NRXN3: variants seen among roughly 807,000 people sequenced by gnomAD.
NRXN3 encodes the protein neurexin 3.
In NRXN3, 32 loss-of-function variants were observed where a neutral mutation model predicts 137.6. That is an observed-to-expected ratio of 0.23 (90% CI 0.18 to 0.31). The LOEUF is 0.31. NRXN3 is among the 10% of genes least tolerant of loss of function. The pLI is 1.00. For missense variants in NRXN3, 1,574 were observed against 2,062.5 expected (o/e 0.76, Z 4.59); for synonymous variants, 798 against 784.5 (o/e 1.02, Z -0.29).
intron 8 of NRXN3, among the ~76,000 whole-genome samples, chr14:78,726,515 C>CTTTTTTTTTTTT (rs71452901): frequency 2.0e-5 from 2 of 102,456 alleles, no homozygotes; most frequent in Non-Finnish European, 3.6e-5. Flanking sequence ...ACCATTTTAG[C>CTTTTTTTTTTTT]TTTTTTTTTT....
At chr14:78,314,126 C>T (rs1020053138) in intron 4 of NRXN3, among the ~76,000 whole-genome samples, 3 of 152,076 alleles carry the variant, frequency 2.0e-5, no homozygotes, top group African/African-American at 4.8e-5. Context: ...AAGCCCTTTT[C>T]TGGGTGCAAG....
At chr14:79,478,633 A>G (rs2096580666) in intron 16 of NRXN3, among the ~76,000 whole-genome samples, 1 of 152,076 alleles carries the variant, frequency 6.6e-6, no homozygotes, top group Non-Finnish European at 1.5e-5. Flanking sequence ...TGTGGGAAAA[A>G]TCCAATGACA....
chr14:78,252,865 G>A (rs140969254), intron 2 of NRXN3, among the ~76,000 whole-genome samples: 191 of 152,334 alleles, frequency 1.3e-3, no homozygotes, highest in African/African-American at 4.2e-3. Context: ...GGAGGGATAC[G>A]CTGGAAAGCA....
intron 1 of NRXN3, among the ~76,000 whole-genome samples, chr14:78,238,794 A>T (rs977317350): frequency 2.6e-5 from 4 of 152,180 alleles, no homozygotes; most frequent in Non-Finnish European, 5.9e-5. Flanking sequence ...GAATGGTGGT[A>T]TCCCCCAGTG....
At chr14:78,683,972 G>T (rs2098101937) in intron 6 of NRXN3, among the ~76,000 whole-genome samples, 1 of 152,122 alleles carries the variant, frequency 6.6e-6, no homozygotes, top group Non-Finnish European at 1.5e-5. Context: ...CATTTTTAAG[G>T]ATGGTTTACT....
intron 20 of NRXN3, among the ~76,000 whole-genome samples, chr14:79,840,644 C>A (rs1204208246): frequency 6.6e-6 from 1 of 152,078 alleles, no homozygotes; most frequent in Non-Finnish European, 1.5e-5. Flanking sequence ...AGTTGTATAT[C>A]TTTGGGTGAG....
At chr14:78,682,493 CT>C (rs975081960) in intron 6 of NRXN3, among the ~76,000 whole-genome samples, 34 of 151,982 alleles carry the variant, frequency 2.2e-4, no homozygotes, top group Admixed American at 2.2e-3. Context: ...GTTAAGGCAG[CT>C]GCCTGTACCG....
chr14:79,404,895 G>C (rs905645817), intron 15 of NRXN3, among the ~76,000 whole-genome samples: 1 of 152,152 alleles, frequency 6.6e-6, no homozygotes, highest in Non-Finnish European at 1.5e-5. Context: ...AGGCCCGTGT[G>C]TTCGTGCACA....
chr14:78,966,540 G>A (rs2099417649), intron 12 of NRXN3, 134 bp downstream of exon 12: 1 of 913,956 alleles, frequency 1.1e-6, no homozygotes, highest in Admixed American at 2.5e-5. Context: ...CATCTTCCTT[G>A]ATTAAATGGA....
At chr14:79,336,035 A>T (rs1315719568) in intron 15 of NRXN3, among the ~76,000 whole-genome samples, 2 of 152,156 alleles carry the variant, frequency 1.3e-5, no homozygotes, top group Non-Finnish European at 2.9e-5. Flanking sequence ...CAAGCAACAG[A>T]TACTATAGGC....
At chr14:78,308,105 T>G (rs1313793993) in intron 4 of NRXN3, among the ~76,000 whole-genome samples, 1 of 150,068 alleles carries the variant, frequency 6.7e-6, no homozygotes, top group East Asian at 2.0e-4. Flanking sequence ...TTTTTTTTTA[T>G]GAATATAGAG....
intron 4 of NRXN3, among the ~76,000 whole-genome samples, chr14:78,473,648 A>T (rs951048226): frequency 2.0e-5 from 3 of 152,176 alleles, no homozygotes; most frequent in African/African-American, 7.2e-5. Context: ...TTGTTAATAC[A>T]GTTACTGTGA....
rs141953173 is a variant in NRXN3 at position 79,799,833 on chromosome 14, C to G, written c.4015-5279C>G. 3.3e-3 allele frequency among the ~76,000 whole-genome samples: 501 copies of G among 152,280 alleles called. 1 individual carries two copies. Among genetic ancestry groups the G allele is most frequent in the Non-Finnish European group, 5.0e-3 (341 of 68,022 alleles). ...ATTCGGTTTACTACATCAAGTTTGC[C>G]TGTTTACTTGCCTGTCTCATCAGAC... On this transcript the variant is annotated intron_variant, in intron 19 of 20. Transcript: ENST00000335750.
intron 15 of NRXN3, among the ~76,000 whole-genome samples, chr14:79,204,879 C>G (rs2153221967): frequency 6.6e-6 from 1 of 152,280 alleles, no homozygotes; most frequent in South Asian, 2.1e-4. Flanking sequence ...ACAGCTGAGA[C>G]TTGGTGTATG....
intron 19 of NRXN3, among the ~76,000 whole-genome samples, chr14:79,750,989 A>G (rs1003289786): frequency 1.3e-5 from 2 of 152,024 alleles, no homozygotes; most frequent in African/African-American, 4.8e-5. Context: ...GAAATTTCTA[A>G]TTGAAACAAA....
Position 78,499,186 on chromosome 14 carries a change from A to G in NRXN3, c.758-145934A>G, listed in dbSNP as rs566228064. ...TACTACCTCTATTACTATTGTGAAT[A>G]ATGTCATTATAAAGGTGCAACTAGA... On this transcript the variant is annotated intron_variant, in intron 4 of 20. Transcript: ENST00000335750. 3.3e-5 allele frequency among the ~76,000 whole-genome samples: 5 copies of G among 152,162 alleles called. No individual in the cohort carries two copies. The South Asian group carries it at 1.0e-3, about 32-fold the overall frequency.
intron 15 of NRXN3, among the ~76,000 whole-genome samples, chr14:79,122,159 C>T (rs745901404): frequency 1.5e-4 from 23 of 152,142 alleles, no homozygotes; most frequent in Non-Finnish European, 2.9e-4. Context: ...GGTGGTCATG[C>T]ACAGAAGCAG....
chr14:79,262,560 AGGAG>A (rs2077785649), intron 15 of NRXN3, among the ~76,000 whole-genome samples: 1 of 151,876 alleles, frequency 6.6e-6, no homozygotes, highest in Admixed American at 6.6e-5. Context: ...GAGGAGGAGG[AGGAG>A]GAAGAAGAAG....
intron 4 of NRXN3, among the ~76,000 whole-genome samples, chr14:78,577,680 G>T (rs2096950694): frequency 6.6e-6 from 1 of 152,100 alleles, no homozygotes; most frequent in Non-Finnish European, 1.5e-5. Context: ...GGTCAGGCTG[G>T]TCTCGAACTC....
Sources: gnomAD v4.1 joint callset for allele counts (sites outside exome capture counted in the v4.1 genomes callset) on GRCh38, gnomAD v4.1.1 for gene constraint, MANE v1.5 for transcripts, NCBI Gene and HGNC (gene_info 2026-07-23, HGNC 2026-07-21) for gene names.